SLC22A15: variants seen among roughly 807,000 people sequenced by gnomAD.
The protein encoded by SLC22A15 is flipt 1.
SLC22A15 carries 45 observed loss-of-function variants against 62.7 expected under a neutral mutation model. The observed-to-expected ratio is 0.72, with a 90% CI of 0.56 to 0.92. SLC22A15 has a LOEUF of 0.92. Among genes scored for constraint, SLC22A15 ranks in the 40% least tolerant of loss-of-function variants. SLC22A15 has a pLI of 0.00. For synonymous variants in SLC22A15, 264 were observed against 267.0 expected, an observed-to-expected ratio of 0.99 and a Z score of 0.11; for missense variants, 622 against 665.6, an observed-to-expected ratio of 0.93 and a Z score of 0.72.
Position 115,992,009 on chromosome 1 carries a change from TTC to T in SLC22A15, c.88-20_88-19del. 1 of 1,607,308 alleles carries T rather than the reference TTC, an allele frequency of 6.2e-7. No homozygotes were observed. Among genetic ancestry groups the T allele is most frequent in the East Asian group, 2.2e-5 (1 of 44,844 alleles). On this transcript the variant is annotated intron_variant, in intron 1 of 11. Transcript: ENST00000369503. ...GATGGCAAATATCTGCAGTGTTTGGTTCTGTGTGTTTGCTCTTTCAGCTCTAC... is the reference window on the plus strand; with the variant it reads ...GATGGCAAATATCTGCAGTGTTTGGTTGTGTGTTTGCTCTTTCAGCTCTAC...
rs899775431 is a variant in SLC22A15, at chr1:116,019,483, C to T, written c.301-99C>T. 112 of 1,126,510 alleles carry T rather than the reference C, an allele frequency of 9.9e-5. No individual in the cohort carries two copies. In the Middle Eastern group the frequency reaches 1.3e-3, roughly 13 times the overall value. 69.8% of individuals were successfully genotyped at this position (1,126,510 alleles called of 1,614,324 possible). Reference sequence around the variant, plus strand: ...GAATTCTGGTTAATAGTGGATCATGCAGTATAGAAATTCTGGTGTACAAGT... The same window carrying T: ...GAATTCTGGTTAATAGTGGATCATGTAGTATAGAAATTCTGGTGTACAAGT... On this transcript the variant is annotated intron_variant, in intron 2 of 11. Transcript: ENST00000369503.
chr1:116,064,133 G>A (rs907676057), intron 9 of SLC22A15, among the ~76,000 whole-genome samples: 2 of 152,118 alleles, frequency 1.3e-5, no homozygotes, highest in Non-Finnish European at 2.9e-5. Flanking sequence ...CTGGCTTCAT[G>A]TAGCTATTTA....
chr1:116,050,590 A>G (rs538339309), intron 8 of SLC22A15, among the ~76,000 whole-genome samples: 2 of 152,332 alleles, frequency 1.3e-5, no homozygotes, highest in East Asian at 1.9e-4. Context: ...CAATGTAACA[A>G]AAGCCATCTA....
chr1:116,015,787 T>C (rs1164605420), intron 2 of SLC22A15, among the ~76,000 whole-genome samples: 1 of 152,160 alleles, frequency 6.6e-6, no homozygotes, highest in Non-Finnish European at 1.5e-5. Flanking sequence ...AGTGTTTGAA[T>C]TTCAAGGTAT....
chr1:116,055,322 C>G (rs1480303032), intron 8 of SLC22A15, among the ~76,000 whole-genome samples: 1 of 152,086 alleles, frequency 6.6e-6, no homozygotes, highest in Non-Finnish European at 1.5e-5. Flanking sequence ...GGATAAATTC[C>G]TCTACACATA....
intron 6 of SLC22A15, among the ~76,000 whole-genome samples, chr1:116,033,573 G>GTA (rs1657516820): frequency 8.0e-6 from 1 of 124,584 alleles, no homozygotes; most frequent in African/African-American, 2.9e-5. Context: ...GTGTGTGTGT[G>GTA]TGTGTGTGTG....
At chr1:116,015,757 C>T (rs1267434881) in intron 2 of SLC22A15, among the ~76,000 whole-genome samples, 2 of 152,046 alleles carry the variant, frequency 1.3e-5, no homozygotes, top group Admixed American at 1.3e-4. Context: ...ACACTAAGAA[C>T]ATAAATTTTA....
At chr1:116,045,423 GAACTT>G in intron 8 of SLC22A15, among the ~76,000 whole-genome samples, 1 of 151,742 alleles carries the variant, frequency 6.6e-6, no homozygotes, top group Admixed American at 6.6e-5. Context: ...CAAAGTTGAA[GAACTT>G]AACTTACCTG....
intron 1 of SLC22A15, among the ~76,000 whole-genome samples, chr1:115,990,317 T>A (rs565023381): frequency 6.6e-6 from 1 of 152,368 alleles, no homozygotes; most frequent in East Asian, 1.9e-4. Context: ...TTGAAGGCTG[T>A]GCATTCACTA....
chr1:116,033,984 A>G (rs10754429), intron 6 of SLC22A15, among the ~76,000 whole-genome samples: 146,884 of 152,258 alleles, frequency 0.96, 71,074 homozygotes, highest in East Asian at 1. Flanking sequence ...ACATTACTAC[A>G]GCCTGGGGTA....
intron 1 of SLC22A15, among the ~76,000 whole-genome samples, chr1:115,991,385 C>G (rs1486279687): frequency 6.6e-6 from 1 of 152,144 alleles, no homozygotes; most frequent in East Asian, 1.9e-4. Context: ...TTAGATCAAA[C>G]CAAGACTAGG....
intron 8 of SLC22A15, among the ~76,000 whole-genome samples, chr1:116,047,043 G>A (rs921218955): frequency 6.6e-6 from 1 of 152,120 alleles, no homozygotes; most frequent in African/African-American, 2.4e-5. Context: ...CCCACCCACT[G>A]CTGGTTCCTC....
intron 8 of SLC22A15, among the ~76,000 whole-genome samples, chr1:116,055,636 C>T (rs913724065): frequency 1.3e-5 from 2 of 151,476 alleles, no homozygotes; most frequent in African/African-American, 2.4e-5. Context: ...CCTTGATGAA[C>T]ATTGATGCAA....
chr1:116,012,183 A>C (rs1656305853), intron 2 of SLC22A15, among the ~76,000 whole-genome samples: 1 of 152,202 alleles, frequency 6.6e-6, no homozygotes, highest in African/African-American at 2.4e-5. Flanking sequence ...GAAATAAAAA[A>C]CCTACAATGG....
intron 2 of SLC22A15, among the ~76,000 whole-genome samples, chr1:115,993,197 T>A (rs560989469): frequency 2.0e-5 from 3 of 152,150 alleles, no homozygotes; most frequent in Non-Finnish European, 4.4e-5. Context: ...AATACTCTCC[T>A]TTCCTTTGCC....
intron 2 of SLC22A15, among the ~76,000 whole-genome samples, chr1:116,018,370 A>G (rs1272879352): frequency 6.6e-6 from 1 of 151,420 alleles, no homozygotes; most frequent in Non-Finnish European, 1.5e-5. Flanking sequence ...ATTTTATTTT[A>G]TTTTTTATTT....
intron 8 of SLC22A15, among the ~76,000 whole-genome samples, chr1:116,060,284 C>T (rs557714505): frequency 6.6e-6 from 1 of 152,278 alleles, no homozygotes; most frequent in Non-Finnish European, 1.5e-5. Context: ...AACTGCAGAC[C>T]CCATTGGCAG....
intron 2 of SLC22A15, among the ~76,000 whole-genome samples, chr1:116,008,599 TAA>T (rs1475606543): frequency 6.6e-6 from 1 of 152,204 alleles, no homozygotes; most frequent in Non-Finnish European, 1.5e-5. Context: ...ATTCCTCATA[TAA>T]AAAGTTTCAT....
Position 116,067,863 on chromosome 1 carries a change from T to C in SLC22A15, c.*755T>C, listed in dbSNP as rs1382499673. 1 of 152,102 alleles carries C rather than the reference T, an allele frequency of 6.6e-6. No individual in the cohort carries two copies. Among genetic ancestry groups the C allele is most frequent in the African/African-American group, 2.4e-5 (1 of 41,438 alleles). 9.4% of individuals were successfully genotyped at this position (152,102 alleles called of 1,614,324 possible). On this transcript the variant is annotated 3_prime_UTR_variant, in exon 12 of 12. Transcript: ENST00000369503. ...GTATGATTTCTTCCTTTCCCACTAA[T>C]ATGCACATCCAGAAAAATTTCCATC...
Sources: allele counts gnomAD v4.1 joint callset (sites outside exome capture counted in the v4.1 genomes callset), GRCh38; gene constraint gnomAD v4.1.1; transcripts MANE v1.5; gene names NCBI Gene and HGNC (gene_info 2026-07-23, HGNC 2026-07-21).